Variants in ZFHX3 observed in about 807,000 individuals in gnomAD.
ZFHX3 encodes the protein zinc finger homeobox 3.
ZFHX3 carries 42 observed loss-of-function variants against 279.1 expected under a neutral mutation model. That is an observed-to-expected ratio of 0.15 (90% confidence interval 0.12 to 0.19). ZFHX3 has a LOEUF of 0.19. ZFHX3 is among the 10% of genes least tolerant of loss of function. The probability of loss-of-function intolerance (pLI) is 1.00; values close to 1 mark genes in which losing one functional copy is unlikely to be tolerated. For missense variants in ZFHX3, 4,981 were observed against 4,754.0 expected, an observed-to-expected ratio of 1.05 and a Z score of -1.40; for synonymous variants, 2,293 against 1,957.8, an observed-to-expected ratio of 1.17 and a Z score of -4.52.
chr16:73,233,319 G>A (rs1258366687), intron 5 of ZFHX3, among the ~76,000 whole-genome samples: 1 of 151,958 alleles, frequency 6.6e-6, no homozygotes, highest in Admixed American at 6.6e-5. Context: ...GTCATACATT[G>A]AGAAAAAAAA....
intron 3 of ZFHX3, among the ~76,000 whole-genome samples, chr16:73,352,470 CTCTCTTTTTTT>C (rs1284848709): frequency 8.0e-5 from 10 of 124,392 alleles, no homozygotes; most frequent in Admixed American, 2.3e-4. Flanking sequence ...CTCTCTCTCT[CTCTCTTTTTTT>C]TTTTTTTTTT....
At chr16:73,621,027 C>T (rs2052355140) in intron 2 of ZFHX3, among the ~76,000 whole-genome samples, 1 of 152,238 alleles carries the variant, frequency 6.6e-6, no homozygotes, top group African/African-American at 2.4e-5. Context: ...TAGCATCCAT[C>T]TTCCAAGGGG....
chr16:73,046,501 C>T (rs767965676), intron 1 of ZFHX3, among the ~76,000 whole-genome samples: 1 of 152,092 alleles, frequency 6.6e-6, no homozygotes, highest in South Asian at 2.1e-4. Context: ...CAGGGTTTCC[C>T]TTGAAACCTA....
At chr16:73,317,571 C>A (rs563644654) in intron 4 of ZFHX3, among the ~76,000 whole-genome samples, 1 of 152,170 alleles carries the variant, frequency 6.6e-6, no homozygotes, top group East Asian at 1.9e-4. Context: ...AGAAATTAAA[C>A]CCTGTCTCAA....
intron 4 of ZFHX3, among the ~76,000 whole-genome samples, chr16:72,859,505 T>A (rs2037830883): frequency 6.6e-6 from 1 of 152,226 alleles, no homozygotes; most frequent in African/African-American, 2.4e-5. Flanking sequence ...CTGGAAGAGA[T>A]TCCCAACTTG....
chr16:72,796,384 G>C lies in ZFHX3; in HGVS notation c.6298C>G (p.Leu2100Val), dbSNP rs2035902623. The change falls in exon 9 of 10, where the codon CTG (leucine) becomes GTG (valine). Residue 2100 changes from leucine to valine, a missense_variant. Leu to Val is a conservative substitution (Grantham distance 32). Around this residue, in one of 7 missense-constraint regions of ZFHX3, gnomAD observed 1,751 missense variants for 1,770.0 expected, o/e 0.99. Coordinates refer to ENST00000268489, the MANE Select transcript of ZFHX3 (RefSeq NM_006885.4). ...TGCAGCGGCATCGTCTGCATCATCAGCGGCGAGAAGATGGGCAGCTCCATC... is the reference window on the plus strand; with the variant it reads ...TGCAGCGGCATCGTCTGCATCATCACCGGCGAGAAGATGGGCAGCTCCATC... ...MPMELPIFSPLMMQTMPLQTL... is the reference protein window; with the variant it reads ...MPMELPIFSPVMMQTMPLQTL... 1 of 1,613,398 alleles carries C rather than the reference G, an allele frequency of 6.2e-7. No individual in the cohort carries two copies. Among genetic ancestry groups the C allele is most frequent in the Non-Finnish European group, 8.5e-7 (1 of 1,180,018 alleles).
At chr16:73,578,380 A>G (rs1308349136) in intron 2 of ZFHX3, among the ~76,000 whole-genome samples, 1 of 107,096 alleles carries the variant, frequency 9.3e-6, no homozygotes, top group Non-Finnish European at 2.1e-5. Context: ...GTAGATGTTA[A>G]ATGAAAAAAA....
chr16:73,797,468 G>A (rs138301308), intron 1 of ZFHX3, among the ~76,000 whole-genome samples: 3 of 152,316 alleles, frequency 2.0e-5, no homozygotes, highest in Admixed American at 6.5e-5. Context: ...CTGGTTAAAT[G>A]TTTAGGATTG....
intron 3 of ZFHX3, among the ~76,000 whole-genome samples, chr16:73,351,166 A>G (rs1249120746): frequency 1.3e-5 from 2 of 152,228 alleles, no homozygotes; most frequent in Non-Finnish European, 2.9e-5. Flanking sequence ...CTATCTTTAA[A>G]GAGAACAAGC....
chr16:73,488,622 CAA>C (rs779100836), intron 2 of ZFHX3, among the ~76,000 whole-genome samples: 11 of 152,170 alleles, frequency 7.2e-5, no homozygotes, highest in Non-Finnish European at 1.0e-4. Context: ...CTTCAATTAT[CAA>C]GTTTCCCTCA....
At chr16:73,691,924 G>A (rs1158733034) in intron 1 of ZFHX3, among the ~76,000 whole-genome samples, 8 of 152,142 alleles carry the variant, frequency 5.3e-5, no homozygotes, top group Non-Finnish European at 1.2e-4. Context: ...GACATCAATG[G>A]TAATATTGCT....
At chr16:73,641,206 A>C (rs755844356) in intron 2 of ZFHX3, among the ~76,000 whole-genome samples, 13 of 152,212 alleles carry the variant, frequency 8.5e-5, no homozygotes, top group Non-Finnish European at 1.8e-4. Context: ...TATGCTAACA[A>C]AATGAGAGAA....
chr16:73,216,001 A>G (rs1204830175), intron 5 of ZFHX3, among the ~76,000 whole-genome samples: 1 of 152,194 alleles, frequency 6.6e-6, no homozygotes, highest in African/African-American at 2.4e-5. Context: ...TGATCTAGAT[A>G]GTGATTGATC....
intron 5 of ZFHX3, among the ~76,000 whole-genome samples, chr16:73,247,598 G>T (rs2013329934): frequency 6.6e-6 from 1 of 151,840 alleles, no homozygotes; most frequent in Non-Finnish European, 1.5e-5. Flanking sequence ...TATATGATGT[G>T]TCTGTGTATA....
At chr16:72,857,057 C>T (rs903665290) in intron 4 of ZFHX3, among the ~76,000 whole-genome samples, 6 of 152,206 alleles carry the variant, frequency 3.9e-5, no homozygotes, top group African/African-American at 1.2e-4. Context: ...ATTCCACATT[C>T]CCCTGCCTTC....
At chr16:73,269,840 C>G (rs972902354) in intron 4 of ZFHX3, among the ~76,000 whole-genome samples, 2 of 152,054 alleles carry the variant, frequency 1.3e-5, no homozygotes, top group African/African-American at 4.8e-5. Flanking sequence ...CCTCTGCCCC[C>G]TGAGTTCAAG....
rs778612674 is a variant in ZFHX3 at position 72,811,560 on chromosome 16, G to C, written c.3864+17C>G. On this transcript the variant is annotated intron_variant, in intron 7 of 9. Coordinates refer to ENST00000268489, the MANE Select transcript of ZFHX3 (RefSeq NM_006885.4). ...CCCTGGAGAAAGACCACAGGGTGCT[G>C]CTCCTGGCTGCCTTACCGTCATAAT... 1.9e-6 allele frequency: 3 copies of C among 1,565,216 alleles called. No individual in the cohort carries two copies. In the South Asian group the frequency reaches 3.6e-5, roughly 19 times the overall value.
intron 1 of ZFHX3, among the ~76,000 whole-genome samples, chr16:73,824,089 T>C (rs780985734): frequency 6.6e-6 from 1 of 152,158 alleles, no homozygotes; most frequent in Non-Finnish European, 1.5e-5. Flanking sequence ...TGTGCTCAAA[T>C]CAGTTAGAAA....
intron 1 of ZFHX3, among the ~76,000 whole-genome samples, chr16:72,960,709 G>A (rs2144464321): frequency 6.6e-6 from 1 of 152,254 alleles, no homozygotes; most frequent in South Asian, 2.1e-4. Context: ...CGGTAAAGTG[G>A]GATAACGCTC....
Sources: gnomAD v4.1 joint callset for allele counts (sites outside exome capture counted in the v4.1 genomes callset) on GRCh38, gnomAD v4.1.1 for gene constraint, gnomAD v4.1.1 regional missense constraint, MANE v1.5 for transcripts, NCBI Gene and HGNC (gene_info 2026-07-23, HGNC 2026-07-21) for gene names.